The following EPB41L2 variants were observed in gnomAD, a reference collection of about 807,000 sequenced individuals.
EPB41L2 encodes band 4.1-like protein 2.
In EPB41L2, 43 loss-of-function variants were observed where a neutral mutation model predicts 113.0. The observed-to-expected ratio is 0.38, with a 90% CI of 0.30 to 0.49. The LOEUF is 0.49. EPB41L2 is among the 20% of genes least tolerant of loss of function. The pLI is 0.95. For missense variants in EPB41L2, 1,147 were observed against 1,223.4 expected (o/e 0.94, Z 0.93); for synonymous variants, 442 against 436.7 (o/e 1.01, Z -0.15).
At position 130,892,403 on chromosome 6, in the gene EPB41L2, C is replaced by CTTTTTTTTTTTTTTTTTTTTTTT. The variant is rs60350565; in HGVS notation, c.1488-1938_1488-1937insAAAAAAAAAAAAAAAAAAAAAAA. ...CTTGCCATTTCTGAACAGATTATTG[C>CTTTTTTTTTTTTTTTTTTTTTTT]TTTTTTTTTTTTTTTTTTTATCATT... On this transcript the variant is annotated intron_variant, in intron 10 of 19. Transcript: ENST00000337057. Among the ~76,000 whole-genome samples, 33 of 92,628 alleles carry CTTTTTTTTTTTTTTTTTTTTTTT rather than the reference C, an allele frequency of 3.6e-4. 3 individuals carry two copies. The highest frequency in any genetic ancestry group is 5.8e-4 in the Non-Finnish European group (24 of 41,486). The allele number at this position is 92,628 out of a possible 152,430, so 60.8% of individuals were successfully genotyped here.
chr6:130,868,330 T>A (rs571972278), intron 15 of EPB41L2: 7 of 152,312 alleles, frequency 4.6e-5, no homozygotes, highest in Non-Finnish European at 7.3e-5. Flanking sequence ...ACTCCATCAA[T>A]GTTACACCAA....
At chr6:131,016,661 A>T (rs2128732322) in intron 1 of EPB41L2, among the ~76,000 whole-genome samples, 1 of 152,222 alleles carries the variant, frequency 6.6e-6, no homozygotes, top group African/African-American at 2.4e-5. Context: ...TGATTCCTGT[A>T]CATACTAAGG....
At chr6:130,894,887 A>G in intron 9 of EPB41L2, 80 bp downstream of exon 9, 2 of 1,369,498 alleles carry the variant, frequency 1.5e-6, no homozygotes, top group South Asian at 3.3e-5. Context: ...AAAATTTTAG[A>G]ATTAATAGAA....
chr6:130,941,405 C>T lies in EPB41L2; in HGVS notation c.705+13700G>A, dbSNP rs139482863. On this transcript the variant is annotated intron_variant, in intron 3 of 19. Transcript: ENST00000337057. ...CTAGTATCGAACTTCTAGCCAGAAGCGCACACCAAATTTTTTTAAGTATCT... is the reference window on the plus strand; with the variant it reads ...CTAGTATCGAACTTCTAGCCAGAAGTGCACACCAAATTTTTTTAAGTATCT... Among the ~76,000 whole-genome samples, 339 of 152,240 alleles carry T rather than the reference C, an allele frequency of 2.2e-3. 5 individuals carry two copies. Among genetic ancestry groups the T allele is most frequent in the Admixed American group, 0.021 (316 of 15,294 alleles).
intron 18 of EPB41L2, among the ~76,000 whole-genome samples, chr6:130,861,185 G>C (rs1470902314): frequency 6.6e-6 from 1 of 151,902 alleles, no homozygotes; most frequent in Non-Finnish European, 1.5e-5. Context: ...CCATTCTCCT[G>C]CCTCAGCCTC....
chr6:130,890,188 C>A (rs1345024240), intron 11 of EPB41L2, 106 bp downstream of exon 11: 4 of 1,174,186 alleles, frequency 3.4e-6, no homozygotes, highest in Non-Finnish European at 3.5e-6. Context: ...AAATGGCTAT[C>A]CCTGTAGGGT....
chr6:130,881,198 G>A (rs1180762938), intron 12 of EPB41L2: 1 of 152,086 alleles, frequency 6.6e-6, no homozygotes, highest in African/African-American at 2.4e-5. Context: ...CTTATCAAAG[G>A]CAAATCATTT....
At chr6:130,953,199 T>C (rs1381252300) in intron 3 of EPB41L2, among the ~76,000 whole-genome samples, 2 of 151,992 alleles carry the variant, frequency 1.3e-5, no homozygotes, top group Non-Finnish European at 2.9e-5. Context: ...AAATATAATG[T>C]AATCAAGTTC....
intron 1 of EPB41L2, among the ~76,000 whole-genome samples, chr6:130,962,492 T>C (rs1053270072): frequency 1.3e-5 from 2 of 152,204 alleles, no homozygotes; most frequent in Admixed American, 6.5e-5. Context: ...TATTTGTTAG[T>C]TCATATTATC....
At chr6:131,002,301 C>T (rs748251278) in intron 1 of EPB41L2, among the ~76,000 whole-genome samples, 24 of 152,200 alleles carry the variant, frequency 1.6e-4, no homozygotes, top group South Asian at 1.2e-3. Context: ...ATACTGAGAA[C>T]GTACAAGGCC....
chr6:131,035,452 C>T (rs1167955984), intron 1 of EPB41L2, among the ~76,000 whole-genome samples: 1 of 152,200 alleles, frequency 6.6e-6, no homozygotes, highest in Non-Finnish European at 1.5e-5. Context: ...CTTCTGCTTC[C>T]TTCCCTGACA....
intron 19 of EPB41L2, among the ~76,000 whole-genome samples, chr6:130,841,748 G>A (rs2128391123): frequency 6.6e-6 from 1 of 152,276 alleles, no homozygotes; most frequent in South Asian, 2.1e-4. Context: ...GAGAATGAAG[G>A]CTTACAGCCT....
chr6:130,994,839 GCGTATC>G (rs1782695301), intron 1 of EPB41L2, among the ~76,000 whole-genome samples: 1 of 152,144 alleles, frequency 6.6e-6, no homozygotes, highest in Non-Finnish European at 1.5e-5. Flanking sequence ...TGAGATAAAA[GCGTATC>G]CGATTGCCTC....
chr6:131,058,779 G>A (rs1299678618), intron 1 of EPB41L2, among the ~76,000 whole-genome samples: 1 of 152,178 alleles, frequency 6.6e-6, no homozygotes, highest in African/African-American at 2.4e-5. Flanking sequence ...ACTTTGGGAG[G>A]CCAAGTCGGG....
intron 1 of EPB41L2, among the ~76,000 whole-genome samples, chr6:131,040,304 A>C (rs1182282660): frequency 6.6e-6 from 1 of 152,042 alleles, no homozygotes; most frequent in Admixed American, 6.5e-5. Flanking sequence ...TCAGGCGTGG[A>C]GGTGCGCACC....
intron 1 of EPB41L2, among the ~76,000 whole-genome samples, chr6:131,000,131 A>C (rs998021500): frequency 6.8e-6 from 1 of 147,766 alleles, no homozygotes; most frequent in Non-Finnish European, 1.5e-5. Context: ...TAAATACCGT[A>C]TAAAGATGTG....
chr6:130,922,910 G>T (rs1185771867), intron 4 of EPB41L2, among the ~76,000 whole-genome samples: 1 of 152,084 alleles, frequency 6.6e-6, no homozygotes, highest in African/African-American at 2.4e-5. Context: ...TGGAGTATTT[G>T]TTCCATGCAA....
At chr6:131,033,296 A>G (rs1792606991) in intron 1 of EPB41L2, among the ~76,000 whole-genome samples, 1 of 152,278 alleles carries the variant, frequency 6.6e-6, no homozygotes, top group African/African-American at 2.4e-5. Flanking sequence ...GAGCAAAACA[A>G]GTATAGGCAA....
intron 3 of EPB41L2, among the ~76,000 whole-genome samples, chr6:130,954,368 A>C (rs1816685403): frequency 6.6e-6 from 1 of 152,122 alleles, no homozygotes; most frequent in Admixed American, 6.5e-5. Flanking sequence ...ACTTTGGGCA[A>C]GGAATTTAAC....
Sources: gnomAD v4.1 joint callset for allele counts (sites outside exome capture counted in the v4.1 genomes callset) on GRCh38, gnomAD v4.1.1 for gene constraint, MANE v1.5 for transcripts, NCBI Gene and HGNC (gene_info 2026-07-23, HGNC 2026-07-21) for gene names.